Variants in BTD observed in about 807,000 individuals in gnomAD.
BTD encodes the protein biotinidase, also known as biocytinase.
Under a neutral mutation model 17.7 loss-of-function variants are expected in BTD, and 13 were observed. The ratio of observed to expected loss-of-function variants is 0.74; its 90% confidence interval spans 0.48 to 1.17. The LOEUF (loss-of-function observed/expected upper bound fraction) is 1.17. BTD is among the 50% of genes most tolerant of loss of function. The pLI, the probability that BTD is intolerant of heterozygous loss-of-function variation, is 0.00. For synonymous variants in BTD, 240 were observed against 245.2 expected (o/e 0.98, Z 0.20); for missense variants, 674 against 650.4 (o/e 1.04, Z -0.39).
chr3:15,608,670 G>A (rs2064527465), intron 1 of BTD, among the ~76,000 whole-genome samples: 1 of 151,508 alleles, frequency 6.6e-6, no homozygotes, highest in Non-Finnish European at 1.5e-5. Flanking sequence ...GGAGGCTGAG[G>A]CAGGAGAACC....
At chr3:15,633,909 A>T (rs372901722) in intron 1 of BTD, among the ~76,000 whole-genome samples, 16 of 152,330 alleles carry the variant, frequency 1.1e-4, no homozygotes, top group African/African-American at 3.8e-4. Context: ...TTTTGTTTCT[A>T]CTCAAAAACT....
chr3:15,680,410 T>G (rs759782791), intron 3 of BTD, among the ~76,000 whole-genome samples: 1 of 152,082 alleles, frequency 6.6e-6, no homozygotes, highest in Non-Finnish European at 1.5e-5. Flanking sequence ...TTTCACCATG[T>G]TGGTCAGGCT....
At chr3:15,676,995 G>A (rs1357069274) in intron 3 of BTD, 5 of 1,612,522 alleles carry the variant, frequency 3.1e-6, no homozygotes, top group Non-Finnish European at 4.2e-6. Flanking sequence ...TGCGTTGGTT[G>A]CATTGATGAG....
intron 3 of BTD, chr3:15,696,321 A>C: frequency 2.2e-6 from 2 of 917,104 alleles, no homozygotes; most frequent in Admixed American, 3.1e-5. Flanking sequence ...GACTGAAATT[A>C]AAAACTGACA....
chr3:15,693,468 A>G (rs2069096075), intron 3 of BTD, among the ~76,000 whole-genome samples: 2 of 152,214 alleles, frequency 1.3e-5, no homozygotes, highest in African/African-American at 2.4e-5. Context: ...CAACATCATT[A>G]AACTGATAAC....
intron 3 of BTD, among the ~76,000 whole-genome samples, chr3:15,658,736 C>G (rs906460752): frequency 1.3e-5 from 2 of 152,186 alleles, no homozygotes; most frequent in African/African-American, 4.8e-5. Flanking sequence ...GAACTGCTCT[C>G]CAATCTGTAT....
At chr3:15,612,269 T>C (rs1574978289) in intron 1 of BTD, among the ~76,000 whole-genome samples, 1 of 152,224 alleles carries the variant, frequency 6.6e-6, no homozygotes. Flanking sequence ...GATTACCCTC[T>C]ATGCATTTTT....
chr3:15,695,571 A>ATTT (rs1469283484), intron 3 of BTD, among the ~76,000 whole-genome samples: 4 of 152,152 alleles, frequency 2.6e-5, no homozygotes, highest in Non-Finnish European at 5.9e-5. Context: ...GGTAAGTCTA[A>ATTT]ATAAGAGCAT....
chr3:15,694,718 G>A (rs373860252), intron 3 of BTD: 14 of 1,603,986 alleles, frequency 8.7e-6, no homozygotes, highest in Middle Eastern at 1.6e-4. Flanking sequence ...CCATCAAGTC[G>A]GCTATGAAGG....
At chr3:15,703,932 G>A (rs2070986158) in intron 3 of BTD, among the ~76,000 whole-genome samples, 1 of 152,102 alleles carries the variant, frequency 6.6e-6, no homozygotes, top group South Asian at 2.1e-4. Context: ...TACACACAGA[G>A]CAATATAACT....
At chr3:15,677,001 A>G (rs2067004864) in intron 3 of BTD, 1 of 1,613,206 alleles carries the variant, frequency 6.2e-7, no homozygotes, top group East Asian at 2.2e-5. Context: ...GGTTGCATTG[A>G]TGAGGTTTCT....
chr3:15,676,114 C>T (rs1455030603), intron 3 of BTD: 4 of 632,858 alleles, frequency 6.3e-6, no homozygotes, highest in Non-Finnish European at 1.0e-5. Context: ...CTCGAGAAAC[C>T]TAGTCCTAAT....
At position 15,649,737 on chromosome 3, in the gene BTD, C is replaced by G. The variant is rs1233135716; in HGVS notation, c.*4249C>G. On this transcript the variant is annotated 3_prime_UTR_variant, in exon 4 of 4. Coordinates refer to ENST00000643237, the MANE Select transcript of BTD (RefSeq NM_001370658.1). Reference sequence around the variant, plus strand: ...CATCCTTCAAGGTCTACTCTCTCATCACAGCTTGTGACTCTTCCACTTTTT... The same window carrying G: ...CATCCTTCAAGGTCTACTCTCTCATGACAGCTTGTGACTCTTCCACTTTTT... Among the ~76,000 whole-genome samples the G allele has an allele frequency of 6.6e-6, 1 of 152,228 alleles. No homozygotes were observed. Among genetic ancestry groups the G allele is most frequent in the African/African-American group, 2.4e-5 (1 of 41,456 alleles).
At chr3:15,716,873 G>A (rs1237945586), downstream of BTD, among the ~76,000 whole-genome samples, 1 of 152,138 alleles carries the variant, frequency 6.6e-6, no homozygotes, top group Non-Finnish European at 1.5e-5. Flanking sequence ...AAAGCGGAAG[G>A]ACTGCTTGAA....
chr3:15,644,967 T>C lies in BTD; in HGVS notation c.1051T>C (p.Cys351Arg), dbSNP rs775369290. 5.6e-6 allele frequency: 9 copies of C among 1,614,252 alleles called. No homozygotes were observed. The African/African-American group carries it at 8.0e-5, about 14-fold the overall frequency. Residue 351 changes from cysteine (C) to arginine (R), a missense_variant, in exon 4 of 4, where the codon TGT (cysteine) becomes CGT (arginine). Physicochemically the swap from Cys to Arg is radical, Grantham distance 180. Coordinates refer to ENST00000643237, the MANE Select transcript of BTD (RefSeq NM_001370658.1). ...AAAAATTTTGTCAGGCGATCCGTACTGTGAGAAGGATGCTCAGGAAGTCCA... is the reference window on the plus strand; with the variant it reads ...AAAAATTTTGTCAGGCGATCCGTACCGTGAGAAGGATGCTCAGGAAGTCCA... The part of the protein sequence containing the change: ...FLKILSGDPY[C>R]EKDAQEVHCD...
chr3:15,669,300 A>G (rs960697776), intron 3 of BTD: 2 of 152,218 alleles, frequency 1.3e-5, no homozygotes, highest in Admixed American at 6.5e-5. Flanking sequence ...CAAAAGTAAC[A>G]TAAGTGACTA....
intron 3 of BTD, among the ~76,000 whole-genome samples, chr3:15,661,568 T>C (rs2065925757): frequency 6.6e-6 from 1 of 152,204 alleles, no homozygotes; most frequent in Non-Finnish European, 1.5e-5. Flanking sequence ...TATCCGTCTT[T>C]TGCAATTTTT....
At chr3:15,654,597 C>CTT (rs200602217), downstream of BTD, among the ~76,000 whole-genome samples, 185 of 151,972 alleles carry the variant, frequency 1.2e-3, no homozygotes, top group African/African-American at 4.3e-3. Context: ...GTCCTGCATC[C>CTT]TTTTTTTTGT....
chr3:15,608,863 G>A (rs986504160), intron 1 of BTD, among the ~76,000 whole-genome samples: 6 of 151,950 alleles, frequency 3.9e-5, no homozygotes, highest in Admixed American at 3.9e-4. Context: ...TATCACCCAT[G>A]TAATATGGTA....
Sources: gnomAD v4.1 joint callset for allele counts (sites outside exome capture counted in the v4.1 genomes callset) on GRCh38, gnomAD v4.1.1 for gene constraint, MANE v1.5 for transcripts, NCBI Gene and HGNC (gene_info 2026-07-23, HGNC 2026-07-21) for gene names.